ZNF776: variants seen among roughly 807,000 people sequenced by gnomAD.
ZNF776 encodes zinc finger protein 776.
Under a neutral mutation model 7.0 loss-of-function variants are expected in ZNF776, and 4 were observed. The observed-to-expected ratio is 0.57, with a 90% CI of 0.28 to 1.31. ZNF776 has a LOEUF of 1.31. Among genes scored for constraint, ZNF776 ranks in the 50% most tolerant of loss-of-function variants. The probability of loss-of-function intolerance (pLI) is 0.10; values close to 1 mark genes in which losing one functional copy is unlikely to be tolerated. For synonymous variants in ZNF776, 212 were observed against 213.7 expected (o/e 0.99, Z 0.07); for missense variants, 555 against 625.9 (o/e 0.89, Z 1.21).
At position 57,755,152 on chromosome 19, in the gene ZNF776, A is replaced by C. The variant is rs1986740959; in HGVS notation, c.*465A>C. 5.9e-6 allele frequency: 1 copy of C among 168,092 alleles called. No homozygotes were observed. The highest frequency in any genetic ancestry group is 5.7e-5 in the Admixed American group (1 of 17,498). The allele number at this position is 168,092 out of a possible 1,614,324, so 10.4% of individuals were successfully genotyped here. On this transcript the variant is annotated 3_prime_UTR_variant, in exon 3 of 3. Coordinates refer to ENST00000317178, the MANE Select transcript of ZNF776 (RefSeq NM_173632.4). ...TCATTTCCGTACAGCTCTGCGCTCC[A>C]TGTTCGTAAGAGTTCACACTGGACA...
At chr19:57,752,229 C>G (rs1986631327) in intron 2 of ZNF776, among the ~76,000 whole-genome samples, 1 of 152,042 alleles carries the variant, frequency 6.6e-6, no homozygotes, top group Non-Finnish European at 1.5e-5. Flanking sequence ...GTCTTGAACT[C>G]CTAGGGTCAA....
chr19:57,754,371 G>C lies in ZNF776; in HGVS notation c.1241G>C (p.Arg414Thr), dbSNP rs1245706158. ...YECKECRKSF[R>T]YKSHLTEHQR... ...TGTAAAGAATGTAGGAAATCATTTAGGTACAAGTCACACCTCACTGAACAC... is the reference window on the plus strand; with the variant it reads ...TGTAAAGAATGTAGGAAATCATTTACGTACAAGTCACACCTCACTGAACAC... Residue 414 changes from arginine to threonine, a missense_variant, in exon 3 of 3, where the codon AGG (arginine) becomes ACG (threonine). Coordinates refer to ENST00000317178, the MANE Select transcript of ZNF776 (RefSeq NM_173632.4). The C allele has an allele frequency of 1.2e-6, 2 of 1,614,072 alleles. No homozygotes were observed. The highest frequency in any genetic ancestry group is 3.3e-5 in the Admixed American group (2 of 59,996).
chr19:57,747,613 A>C (rs1043640379), intron 1 of ZNF776, among the ~76,000 whole-genome samples: 2 of 152,126 alleles, frequency 1.3e-5, no homozygotes, highest in African/African-American at 4.8e-5. Context: ...AGTTCAGACA[A>C]CCAACTCGCG....
chr19:57,754,144 C>T lies in ZNF776; in HGVS notation c.1014C>T (p.His338=). The change falls in exon 3 of 3, where the codon CAC becomes CAT. Residue 338 remains histidine (H), a synonymous_variant. Coordinates refer to ENST00000317178, the MANE Select transcript of ZNF776 (RefSeq NM_173632.4). The stretch of plus-strand genomic sequence containing the variant: ...GCCATAAGCGCAGCCTTGTTCACCA[C>T]CAGCGAGTTCACACTGGAGAAAGAC... ...SFSHKRSLVH[H]QRVHTGERPY... is the part of the protein sequence containing the mutation. 1 of 1,613,842 alleles carries T rather than the reference C, an allele frequency of 6.2e-7. No individual in the cohort carries two copies. The highest frequency in any genetic ancestry group is 1.1e-5 in the South Asian group (1 of 91,042).
intron 1 of ZNF776, among the ~76,000 whole-genome samples, chr19:57,747,999 A>G (rs1986490140): frequency 6.6e-6 from 1 of 152,184 alleles, no homozygotes; most frequent in Non-Finnish European, 1.5e-5. Flanking sequence ...AGTTAGTACC[A>G]GGATGTGAAA....
chr19:57,747,845 CTTT>C (rs35757667), intron 1 of ZNF776, among the ~76,000 whole-genome samples: 164 of 144,898 alleles, frequency 1.1e-3, no homozygotes, highest in Middle Eastern at 3.6e-3. Context: ...TCTTAGGTAC[CTTT>C]TTTTTTTTTT....
Position 57,755,080 on chromosome 19 carries a change from A to G in ZNF776, c.*393A>G, listed in dbSNP as rs1986737496. ...ATTACTATTCATCAGATAATTTACA[A>G]TGGAGAAAGGCCACATAATAATTTC... On this transcript the variant is annotated 3_prime_UTR_variant, in exon 3 of 3. Coordinates refer to ENST00000317178, the MANE Select transcript of ZNF776 (RefSeq NM_173632.4). 5.3e-6 allele frequency: 1 copy of G among 189,108 alleles called. No individual in the cohort carries two copies. The highest frequency in any genetic ancestry group is 5.5e-5 in the Admixed American group (1 of 18,328). 11.7% of individuals were successfully genotyped at this position (189,108 alleles called of 1,614,324 possible).
In ZNF776 at chr19:57,747,060, TGGC is replaced by T. The variant is rs1986455476; in HGVS notation, c.9_11del (p.Ala5?). Reference sequence around the variant, plus strand: ...ACCCCGCTTTCCCCACCCAGTCGGATGGCGGCGGCCGCGCTGAGGCCCCCGGCT... The same window carrying T: ...ACCCCGCTTTCCCCACCCAGTCGGATGGCGGCCGCGCTGAGGCCCCCGGCT... On this transcript the variant is annotated start_lost and inframe_deletion, in exon 1 of 3. Coordinates refer to ENST00000317178, the MANE Select transcript of ZNF776 (RefSeq NM_173632.4). 1 of 1,588,156 alleles carries T rather than the reference TGGC, an allele frequency of 6.3e-7. No homozygotes were observed. The highest frequency in any genetic ancestry group is 8.6e-7 in the Non-Finnish European group (1 of 1,167,464).
At position 57,747,021 on chromosome 19, in the gene ZNF776, G is replaced by GC. The variant is rs1175744773; in HGVS notation, c.-33dup. The GC allele has an allele frequency of 1.3e-6, 2 of 1,553,212 alleles. No homozygotes were observed. Among genetic ancestry groups the GC allele is most frequent in the East Asian group, 2.4e-5 (1 of 41,312 alleles). Reference sequence around the variant, plus strand: ...CCGTGCCCGGGTACCTGCACTGCTCGCCCCCTCCTTTCGACCCCGCTTTCC... The same window carrying GC: ...CCGTGCCCGGGTACCTGCACTGCTCGCCCCCCTCCTTTCGACCCCGCTTTCC... On this transcript the variant is annotated 5_prime_UTR_variant, in exon 1 of 3. Transcript: ENST00000317178.
chr19:57,747,959 G>A (rs1347209146), intron 1 of ZNF776, among the ~76,000 whole-genome samples: 1 of 151,704 alleles, frequency 6.6e-6, no homozygotes, highest in Admixed American at 6.6e-5. Flanking sequence ...CTGTCAACCA[G>A]TATAAACATA....
chr19:57,748,578 C>A (rs10417309), intron 1 of ZNF776, among the ~76,000 whole-genome samples: 49 of 152,112 alleles, frequency 3.2e-4, no homozygotes, highest in African/African-American at 1.2e-3. Flanking sequence ...GGTGGTAAAT[C>A]TTTTAGGGGA....
intron 2 of ZNF776, 85 bp downstream of exon 2, chr19:57,750,996 C>G (rs1986586976): frequency 6.8e-7 from 1 of 1,462,440 alleles, no homozygotes; most frequent in Non-Finnish European, 9.1e-7. Context: ...CTGTTTTCCT[C>G]ACTTCAGGAG....
chr19:57,751,041 A>G, intron 2 of ZNF776, 130 bp downstream of exon 2: 2 of 1,138,412 alleles, frequency 1.8e-6, no homozygotes, highest in Middle Eastern at 2.1e-4. Context: ...TTCCCTGGGT[A>G]GGTTCTATGT....
intron 2 of ZNF776, 107 bp from the exon 3 acceptor site, chr19:57,753,184 G>A (rs1986656354): frequency 9.3e-7 from 1 of 1,073,044 alleles, no homozygotes; most frequent in Non-Finnish European, 1.4e-6. Flanking sequence ...GATATGTCTA[G>A]GCCCAAGTAA....
rs1986452966 is a variant in ZNF776 at position 57,747,021 on chromosome 19, G to T, written c.-38G>T. Reference sequence around the variant, plus strand: ...CCGTGCCCGGGTACCTGCACTGCTCGCCCCCTCCTTTCGACCCCGCTTTCC... The same window carrying T: ...CCGTGCCCGGGTACCTGCACTGCTCTCCCCCTCCTTTCGACCCCGCTTTCC... On this transcript the variant is annotated 5_prime_UTR_variant, in exon 1 of 3. Coordinates refer to ENST00000317178, the MANE Select transcript of ZNF776 (RefSeq NM_173632.4). The T allele has an allele frequency of 1.9e-6, 3 of 1,553,216 alleles. No homozygotes were observed. Among genetic ancestry groups the T allele is most frequent in the South Asian group, 1.2e-5 (1 of 83,826 alleles).
Position 57,756,632 on chromosome 19 carries a change from C to T in ZNF776, c.*1945C>T. 5.5e-6 allele frequency: 1 copy of T among 181,236 alleles called. No homozygotes were observed. The highest frequency in any genetic ancestry group is 1.7e-4 in the East Asian group (1 of 5,894). 11.2% of individuals were successfully genotyped at this position (181,236 alleles called of 1,614,324 possible). On this transcript the variant is annotated 3_prime_UTR_variant, in exon 3 of 3. Coordinates refer to ENST00000317178, the MANE Select transcript of ZNF776 (RefSeq NM_173632.4). ...GAAATAGTGCAATAATATGTGTTTT[C>T]ATAAATCAACCTGAGTAGGGGACAG...
intron 2 of ZNF776, 69 bp from the exon 3 acceptor site, chr19:57,753,222 T>C (rs1986657192): frequency 1.4e-6 from 2 of 1,431,602 alleles, no homozygotes; most frequent in African/African-American, 2.8e-5. Flanking sequence ...CAGCTGTTGA[T>C]CAGGTATGGC....
At position 57,753,640 on chromosome 19, in the gene ZNF776, G is replaced by A; in HGVS notation, c.510G>A (p.Gly170=). The A allele has an allele frequency of 6.2e-7, 1 of 1,614,108 alleles. No homozygotes were observed. Among genetic ancestry groups the A allele is most frequent in the Non-Finnish European group, 8.5e-7 (1 of 1,180,038 alleles). Residue 170 remains glycine, a synonymous_variant, in exon 3 of 3, where the codon GGG becomes GGA. Coordinates refer to ENST00000317178, the MANE Select transcript of ZNF776 (RefSeq NM_173632.4). ...SHEPFIFHEV[G]KDFLSSLRLL... The stretch of plus-strand genomic sequence containing the variant: ...AGCCATTTATCTTTCATGAGGTTGG[G>A]AAAGACTTTTTGTCCAGCTTGAGAT...
chr19:57,751,868 GTTTTTTT>G (rs768825787), intron 2 of ZNF776, among the ~76,000 whole-genome samples: 7 of 67,508 alleles, frequency 1.0e-4, no homozygotes, highest in African/African-American at 2.8e-4. Flanking sequence ...TTTTGGTTTT[GTTTTTTT>G]TTTTTTTTTT....
Sources: allele counts gnomAD v4.1 joint callset (sites outside exome capture counted in the v4.1 genomes callset), GRCh38; gene constraint gnomAD v4.1.1; transcripts MANE v1.5; gene names NCBI Gene and HGNC (gene_info 2026-07-23, HGNC 2026-07-21).